TNKS: variants seen among roughly 807,000 people sequenced by gnomAD.
TNKS encodes poly [ADP-ribose] polymerase tankyrase-1.
In TNKS, 72 loss-of-function variants were observed where a neutral mutation model predicts 135.8. The observed-to-expected ratio is 0.53, with a 90% CI of 0.44 to 0.64. The LOEUF is 0.64. TNKS is among the 30% of genes least tolerant of loss of function. The pLI, the probability that TNKS is intolerant of heterozygous loss-of-function variation, is 0.00. For missense variants in TNKS, 1,769 were observed against 1,674.0 expected (o/e 1.06, Z -0.99); for synonymous variants, 849 against 649.3 (o/e 1.31, Z -4.68).
intron 3 of TNKS, among the ~76,000 whole-genome samples, chr8:9,637,553 C>T (rs546683726): frequency 3.9e-5 from 6 of 152,146 alleles, no homozygotes; most frequent in African/African-American, 1.4e-4. Flanking sequence ...TATGATGGGA[C>T]ATAAAAATGA....
Position 9,719,889 on chromosome 8 carries a change from T to A in TNKS, c.1750-485T>A, listed in dbSNP as rs144041404. 9.6e-3 allele frequency among the ~76,000 whole-genome samples: 1,462 copies of A among 152,350 alleles called. 18 individuals are homozygous for A. The highest frequency in any genetic ancestry group is 0.015 in the South Asian group (71 of 4,826). The stretch of plus-strand genomic sequence containing the variant: ...TTGCTTAAATATGCTTGTAATTCAA[T>A]TAAGATATTATAATTAGCTATATTA... On this transcript the variant is annotated intron_variant, in intron 11 of 26. Coordinates refer to ENST00000310430, the MANE Select transcript of TNKS (RefSeq NM_003747.3).
chr8:9,703,355 A>G (rs1212274183), intron 5 of TNKS, among the ~76,000 whole-genome samples: 6 of 152,310 alleles, frequency 3.9e-5, no homozygotes, highest in South Asian at 2.1e-4. Flanking sequence ...TCAGACTAAA[A>G]TTAACCACAG....
intron 25 of TNKS, among the ~76,000 whole-genome samples, chr8:9,767,873 G>GGC (rs1807557709): frequency 6.6e-6 from 1 of 151,560 alleles, no homozygotes; most frequent in East Asian, 1.9e-4. Context: ...GCAGGAGAAT[G>GGC]GTGAGTACCC....
intron 20 of TNKS, 118 bp downstream of exon 20, chr8:9,752,744 C>G: frequency 1.6e-6 from 1 of 639,604 alleles, no homozygotes; most frequent in Non-Finnish European, 2.5e-6. Flanking sequence ...TGCTTGAGCC[C>G]AGGAGTTTGA....
In TNKS at chr8:9,611,134, C is replaced by T. The variant is rs572644275; in HGVS notation, c.899-4448C>T. ...CCTTAATTTTAACTGTCTTGTTATGCCAGCTGCTACATTTTCTCCGCCCGT... is the reference window on the plus strand; with the variant it reads ...CCTTAATTTTAACTGTCTTGTTATGTCAGCTGCTACATTTTCTCCGCCCGT... On this transcript the variant is annotated intron_variant, in intron 2 of 26. Coordinates refer to ENST00000310430, the MANE Select transcript of TNKS (RefSeq NM_003747.3). 2.0e-5 allele frequency among the ~76,000 whole-genome samples: 3 copies of T among 152,234 alleles called. No homozygotes were observed. The East Asian group carries it at 5.8e-4, about 29-fold the overall frequency.
intron 2 of TNKS, among the ~76,000 whole-genome samples, chr8:9,615,077 T>A (rs1468067336): frequency 6.6e-6 from 1 of 152,174 alleles, no homozygotes; most frequent in Non-Finnish European, 1.5e-5. Context: ...TTAAACTTCT[T>A]GGAAGCCATC....
rs757780322 is a variant in TNKS, at chr8:9,556,317, C to G, written c.378C>G (p.Asn126Lys). 5 of 1,614,256 alleles carry G rather than the reference C, an allele frequency of 3.1e-6. No homozygotes were observed. Among genetic ancestry groups the G allele is most frequent in the Non-Finnish European group, 3.4e-6 (4 of 1,180,040 alleles). ...CCAACCCAGCCGGCAGTGGCAGTAA[C>G]AATTCACCGTCGTCCTCTTCTTCCC... ...VAPNPAGSGS[N>K]NSPSSSSSPT... The change falls in exon 1 of 27, where the codon AAC becomes AAG. Residue 126 changes from asparagine (N) to lysine (K), a missense_variant. Physicochemically the swap from Asn to Lys is moderately conservative, Grantham distance 94 (BLOSUM62 0). Transcript: ENST00000310430.
intron 2 of TNKS, among the ~76,000 whole-genome samples, chr8:9,593,566 C>G (rs985597552): frequency 2.6e-5 from 4 of 152,154 alleles, no homozygotes; most frequent in East Asian, 1.9e-4. Flanking sequence ...CCCCTTCCCC[C>G]CAAACCAAAA....
At chr8:9,591,546 G>T (rs1387214632) in intron 2 of TNKS, among the ~76,000 whole-genome samples, 1 of 152,176 alleles carries the variant, frequency 6.6e-6, no homozygotes, top group Non-Finnish European at 1.5e-5. Flanking sequence ...ATGTACAGTG[G>T]TCATTCATGT....
At chr8:9,735,669 G>A (rs370839140) in intron 17 of TNKS, among the ~76,000 whole-genome samples, 183 bp downstream of exon 17, 4 of 152,054 alleles carry the variant, frequency 2.6e-5, no homozygotes, top group South Asian at 2.1e-4. Context: ...GCATAGTGGC[G>A]GGCACCTGTA....
At chr8:9,714,937 G>A (rs1300887669) in intron 11 of TNKS, among the ~76,000 whole-genome samples, 1 of 152,188 alleles carries the variant, frequency 6.6e-6, no homozygotes, top group Non-Finnish European at 1.5e-5. Context: ...TTCACATAGT[G>A]ATTCTACATT....
intron 1 of TNKS, among the ~76,000 whole-genome samples, chr8:9,565,076 C>A (rs1399968522): frequency 6.6e-6 from 1 of 151,522 alleles, no homozygotes; most frequent in East Asian, 1.9e-4. Flanking sequence ...TTTTTGTGTG[C>A]CCGTTGTTTT....
intron 1 of TNKS, among the ~76,000 whole-genome samples, chr8:9,573,892 A>G (rs1210882529): frequency 6.6e-6 from 1 of 152,214 alleles, no homozygotes; most frequent in Non-Finnish European, 1.5e-5. Context: ...TTCAGAAGTC[A>G]TAGTTGTCAG....
At chr8:9,592,591 G>C (rs7016632) in intron 2 of TNKS, among the ~76,000 whole-genome samples, 13,008 of 152,206 alleles carry the variant, frequency 0.085, 613 homozygotes, top group South Asian at 0.17. Flanking sequence ...AAGGTGTGAA[G>C]TTAAGCATGT....
chr8:9,595,549 C>T (rs1194626687), intron 2 of TNKS, among the ~76,000 whole-genome samples: 1 of 150,018 alleles, frequency 6.7e-6, no homozygotes, highest in East Asian at 2.0e-4. Context: ...TAGATATACA[C>T]ATAACATATA....
In TNKS at chr8:9,766,405, G is replaced by C; in HGVS notation, c.3720G>C (p.Arg1240Ser). The change falls in exon 25 of 27, where the codon AGG (arginine) becomes AGC (serine). Residue 1240 changes from arginine (R) to serine (S), a missense_variant. Coordinates refer to ENST00000310430, the MANE Select transcript of TNKS (RefSeq NM_003747.3). ...GGTGCPTHKD[R>S]SCYICHRQML... ...CAGGCTGCCCTACACACAAGGACAG[G>C]TCATGCTATATATGTCACAGGTAAG... is the stretch of plus-strand genomic sequence containing the variant. 1 of 1,607,998 alleles carries C rather than the reference G, an allele frequency of 6.2e-7. No homozygotes were observed. Among genetic ancestry groups the C allele is most frequent in the Non-Finnish European group, 8.5e-7 (1 of 1,176,266 alleles).
At chr8:9,741,148 A>G (rs953118902) in intron 17 of TNKS, 1 of 152,256 alleles carries the variant, frequency 6.6e-6, no homozygotes, top group Non-Finnish European at 1.5e-5. Flanking sequence ...TAACTTACAC[A>G]TGTATATCAT....
rs537848766 is a variant in TNKS, at chr8:9,730,793, A to C, written c.2002-97A>C. ...AATAAATATTCATTAGACAATTATA[A>C]TTTACTTATCCAAGATGTTGAACTA... On this transcript the variant is annotated intron_variant, in intron 13 of 26. Coordinates refer to ENST00000310430, the MANE Select transcript of TNKS (RefSeq NM_003747.3). 9 of 1,354,352 alleles carry C rather than the reference A, an allele frequency of 6.6e-6. No individual in the cohort carries two copies. The East Asian group carries it at 1.9e-4, about 28-fold the overall frequency. 83.9% of individuals were successfully genotyped at this position (1,354,352 alleles called of 1,614,324 possible).
intron 3 of TNKS, among the ~76,000 whole-genome samples, chr8:9,660,851 C>G (rs1191955329): frequency 6.6e-6 from 1 of 152,000 alleles, no homozygotes; most frequent in African/African-American, 2.4e-5. Flanking sequence ...TCGTTTCAGC[C>G]CAAAATCTCC....
Sources: gnomAD v4.1 joint callset for allele counts (sites outside exome capture counted in the v4.1 genomes callset) on GRCh38, gnomAD v4.1.1 for gene constraint, MANE v1.5 for transcripts, NCBI Gene and HGNC (gene_info 2026-07-23, HGNC 2026-07-21) for gene names.